UGT1A10: variants seen among roughly 807,000 people sequenced by gnomAD.
UGT1A10 encodes the protein UDP glucuronosyltransferase family 1 member A10.
Under a neutral mutation model 45.8 loss-of-function variants are expected in UGT1A10, and 49 were observed. The ratio of observed to expected loss-of-function variants is 1.07; its 90% CI spans 0.85 to 1.36. The LOEUF (loss-of-function observed/expected upper bound fraction) is 1.36, where lower values mean the gene tolerates loss of function less well. Among genes scored for constraint, UGT1A10 ranks in the 40% most tolerant of loss-of-function variants. UGT1A10 has a pLI of 0.00. For synonymous variants in UGT1A10, 284 were observed against 249.7 expected, an observed-to-expected ratio of 1.14 and a Z score of -1.29; for missense variants, 745 against 668.6, an observed-to-expected ratio of 1.11 and a Z score of -1.26.
chr2:233,712,993 T>C lies in UGT1A10; in HGVS notation c.856-54041T>C, dbSNP rs780175553. ...CAGCTGTCGGTGGCTTCTGCTGAGA[T>C]GGCCACAGGACTCCAGGTTCCCCTG... On this transcript the variant is annotated intron_variant, in intron 1 of 4. Transcript: ENST00000344644. 5.0e-6 allele frequency: 8 copies of C among 1,613,368 alleles called. No individual in the cohort carries two copies. The East Asian group carries it at 1.8e-4, about 36-fold the overall frequency.
At chr2:233,768,463 T>C (rs372004705) in intron 4 of UGT1A10, 24 bp downstream of exon 4, 2 of 1,607,816 alleles carry the variant, frequency 1.2e-6, no homozygotes, top group African/African-American at 2.7e-5. Flanking sequence ...TACAGAAGAA[T>C]ACTTTGGTCA....
chr2:233,755,188 G>A (rs1436949079), intron 1 of UGT1A10: 2 of 1,163,192 alleles, frequency 1.7e-6, no homozygotes, highest in Admixed American at 1.9e-5. Flanking sequence ...TGCCACTTGA[G>A]CGCCAGCTTG....
chr2:233,735,337 CT>C (rs939538517), intron 1 of UGT1A10, among the ~76,000 whole-genome samples: 5 of 150,880 alleles, frequency 3.3e-5, no homozygotes, highest in East Asian at 3.9e-4. Flanking sequence ...GCAACCCCTG[CT>C]TTTTTTTTGC....
intron 1 of UGT1A10, among the ~76,000 whole-genome samples, chr2:233,669,211 A>G (rs948001449): frequency 7.2e-5 from 11 of 152,146 alleles, no homozygotes; most frequent in African/African-American, 2.4e-4. Context: ...TTTGATTACT[A>G]TAGATTTGTA....
chr2:233,747,327 C>T (rs1052520696), intron 1 of UGT1A10: 43 of 1,603,124 alleles, frequency 2.7e-5, no homozygotes, highest in Non-Finnish European at 3.7e-5. Flanking sequence ...CCATTGATGG[C>T]AGCCACTGGC....
At chr2:233,682,674 G>A (rs1344707831) in intron 1 of UGT1A10, 1 of 1,613,690 alleles carries the variant, frequency 6.2e-7, no homozygotes, top group African/African-American at 1.3e-5. Flanking sequence ...GATCTCTACA[G>A]CCACACATCA....
At chr2:233,660,497 T>A (rs2073941117) in intron 1 of UGT1A10, among the ~76,000 whole-genome samples, 1 of 152,156 alleles carries the variant, frequency 6.6e-6, no homozygotes, top group Non-Finnish European at 1.5e-5. Context: ...AAGCGTTGGT[T>A]TTCATGGAAC....
chr2:233,637,219 G>A lies in UGT1A10; in HGVS notation c.697G>A (p.Glu233Lys). 1.9e-6 allele frequency: 3 copies of A among 1,613,920 alleles called. No individual in the cohort carries two copies. The highest frequency in any genetic ancestry group is 1.7e-6 in the Non-Finnish European group (2 of 1,179,852). The change falls in exon 1 of 5, where the codon GAA becomes AAA. Residue 233 changes from glutamate to lysine, a missense_variant. Glu to Lys is a moderately conservative substitution (Grantham distance 56). Coordinates refer to ENST00000344644, the MANE Select transcript of UGT1A10 (RefSeq NM_019075.4). ...TAGAAATGCCCTAGAAATAGCCTCTGAAATTCTCCAAACCCCTGTCACGGC... is the reference window on the plus strand; with the variant it reads ...TAGAAATGCCCTAGAAATAGCCTCTAAAATTCTCCAAACCCCTGTCACGGC... ...LFRNALEIAS[E>K]ILQTPVTAYD...
intron 1 of UGT1A10, among the ~76,000 whole-genome samples, chr2:233,641,003 A>C (rs139216611): frequency 6.6e-6 from 1 of 152,260 alleles, no homozygotes. Context: ...ATCTTCCTGC[A>C]CCCAGCGATC....
At chr2:233,760,250 G>T in intron 1 of UGT1A10, 1 of 1,601,220 alleles carries the variant, frequency 6.2e-7, no homozygotes. Context: ...ATATATATAA[G>T]TAGGAGAGGG....
intron 1 of UGT1A10, among the ~76,000 whole-genome samples, chr2:233,665,583 C>T (rs1468534346): frequency 1.3e-5 from 2 of 152,158 alleles, no homozygotes; most frequent in African/African-American, 4.8e-5. Flanking sequence ...CAAGGTAGGG[C>T]AGGAGAAACA....
At chr2:233,692,938 C>T (rs770236705) in intron 1 of UGT1A10, 113 of 1,592,260 alleles carry the variant, frequency 7.1e-5, no homozygotes, top group Non-Finnish European at 9.0e-5. Flanking sequence ...AGGGAAAATA[C>T]CTAGGAGCCC....
At chr2:233,753,681 A>G in intron 1 of UGT1A10, 1 of 152,226 alleles carries the variant, frequency 6.6e-6, no homozygotes, top group East Asian at 1.9e-4. Flanking sequence ...CCTCACCCAA[A>G]CAATATTACA....
chr2:233,667,648 T>A (rs529297804), intron 1 of UGT1A10, among the ~76,000 whole-genome samples: 21 of 152,282 alleles, frequency 1.4e-4, no homozygotes, highest in African/African-American at 5.1e-4. Flanking sequence ...AAAGGGCTAA[T>A]ATCCAGAATC....
Position 233,772,398 on chromosome 2 carries a change from C to T in UGT1A10, c.1432C>T (p.Leu478Phe), listed in dbSNP as rs1433976375. 2.5e-6 allele frequency: 4 copies of T among 1,614,118 alleles called. No homozygotes were observed. The highest frequency in any genetic ancestry group is 3.4e-6 in the Non-Finnish European group (4 of 1,180,050). Residue 478 changes from leucine to phenylalanine, a missense_variant, in exon 5 of 5, where the codon CTC (leucine) becomes TTC (phenylalanine). Physicochemically the swap from Leu to Phe is conservative, Grantham distance 22. Transcript: ENST00000344644. Reference protein sequence around the residue: ...APHLRPAAHDLTWYQYHSLDV... With the variant: ...APHLRPAAHDFTWYQYHSLDV... The stretch of plus-strand genomic sequence containing the variant: ...ACACCTGCGCCCCGCAGCCCACGAC[C>T]TCACCTGGTACCAGTACCATTCCTT...
Position 233,710,873 on chromosome 2 carries a change from A to C in UGT1A10, c.856-56161A>C, listed in dbSNP as rs78642251. ...TGTTTCTATGTTTTTTAAAAAAGTT[A>C]AACAGTTTAAGTTTGTAGGTTTGGG... On this transcript the variant is annotated intron_variant, in intron 1 of 4. Coordinates refer to ENST00000344644, the MANE Select transcript of UGT1A10 (RefSeq NM_019075.4). 4.5e-4 allele frequency among the ~76,000 whole-genome samples: 69 copies of C among 152,350 alleles called. No homozygotes were observed. In the East Asian group the frequency reaches 0.012, roughly 27 times the overall value.
chr2:233,755,108 C>T lies in UGT1A10; in HGVS notation c.856-11926C>T, dbSNP rs1275990290. ...CGCGTTTCTACGCGTCCGACAACAC[C>T]TCGTAGGCCTCAGCCACCTGCTTGA... On this transcript the variant is annotated intron_variant, in intron 1 of 4. Transcript: ENST00000344644. 8 of 1,333,390 alleles carry T rather than the reference C, an allele frequency of 6.0e-6. No individual in the cohort carries two copies. In the Admixed American group the frequency reaches 9.5e-5, roughly 16 times the overall value. The allele number at this position is 1,333,390 out of a possible 1,614,324, so 82.6% of individuals were successfully genotyped here. A position where few individuals can be genotyped will look rare whatever the true frequency, so the allele number is the denominator to read the frequency against.
chr2:233,761,370 T>C (rs1346260530), intron 1 of UGT1A10, among the ~76,000 whole-genome samples: 1 of 152,186 alleles, frequency 6.6e-6, no homozygotes, highest in Non-Finnish European at 1.5e-5. Flanking sequence ...TCCTTGGACA[T>C]TTTACTCTGT....
chr2:233,740,554 T>C (rs983150710), intron 1 of UGT1A10: 2 of 151,778 alleles, frequency 1.3e-5, no homozygotes, highest in African/African-American at 4.9e-5. Context: ...CCAGAAAAAA[T>C]GTCCGGCATT....
Sources: allele counts gnomAD v4.1 joint callset (sites outside exome capture counted in the v4.1 genomes callset), GRCh38; gene constraint gnomAD v4.1.1; transcripts MANE v1.5; gene names NCBI Gene and HGNC (gene_info 2026-07-23, HGNC 2026-07-21).